Variants in ABI2 observed in about 807,000 individuals in gnomAD.
ABI2 encodes abelson interactor 2.
Under a neutral mutation model 59.2 loss-of-function variants are expected in ABI2, and 25 were observed. That is an observed-to-expected ratio of 0.42 (90% CI 0.31 to 0.59). ABI2 has a LOEUF of 0.59. Ranked by LOEUF, ABI2 falls within the 20% of genes least tolerant of loss-of-function variation. ABI2 has a pLI of 0.14. For synonymous variants in ABI2, 213 were observed against 235.5 expected (o/e 0.90, Z 0.87); for missense variants, 545 against 681.8 (o/e 0.80, Z 2.23).
chr2:203,342,026 G>T (rs2080232156), intron 1 of ABI2, among the ~76,000 whole-genome samples: 1 of 152,086 alleles, frequency 6.6e-6, no homozygotes, highest in Non-Finnish European at 1.5e-5. Context: ...GTTTACCTCT[G>T]ACTCTGCTAA....
At chr2:203,400,557 A>G (rs1192775993) in intron 8 of ABI2, among the ~76,000 whole-genome samples, 1 of 152,176 alleles carries the variant, frequency 6.6e-6, no homozygotes, top group Admixed American at 6.5e-5. Context: ...ATCATAGTTT[A>G]TATGTTTTCA....
At chr2:203,382,619 A>C (rs2096211450) in intron 4 of ABI2, among the ~76,000 whole-genome samples, 1 of 152,170 alleles carries the variant, frequency 6.6e-6, no homozygotes, top group Non-Finnish European at 1.5e-5. Flanking sequence ...TACTTTATTT[A>C]ACCCTCCCCC....
intron 2 of ABI2, among the ~76,000 whole-genome samples, chr2:203,378,090 TTTTTTCTTTTTC>T (rs1257286612): frequency 3.0e-4 from 45 of 152,144 alleles, no homozygotes; most frequent in Admixed American, 7.9e-4. Context: ...AGAGATTATT[TTTTTTCTTTTTC>T]TTTTTCTTTT....
intron 1 of ABI2, among the ~76,000 whole-genome samples, chr2:203,339,318 G>T (rs991287057): frequency 1.3e-5 from 2 of 151,788 alleles, no homozygotes; most frequent in South Asian, 4.2e-4. Flanking sequence ...GGTGGCTCAT[G>T]CCTGTAATCC....
At chr2:203,408,003 G>T (rs1364217224) in intron 9 of ABI2, among the ~76,000 whole-genome samples, 1 of 152,162 alleles carries the variant, frequency 6.6e-6, no homozygotes, top group Non-Finnish European at 1.5e-5. Flanking sequence ...CTTATTAAAG[G>T]TTTGTCCTGG....
rs1030851623 is a variant in ABI2 at position 203,396,869 on chromosome 2, C to T, written c.935C>T (p.Ser312Phe). ...CCTCTTGTTCCTGCTACTGTCCCTT[C>T]CTCCACTGCCCCAGACGCTGCTGCT... ...PAPLVPATVP[S>F]STAPDAAAGG... is the part of the protein sequence containing the mutation. Residue 312 changes from serine to phenylalanine, a missense_variant, in exon 8 of 12, where the codon TCC becomes TTC. Around this residue, in one of 4 missense-constraint regions of ABI2, gnomAD observed 410 missense variants for 435.6 expected, o/e 0.94. Transcript: ENST00000261018. 1.3e-6 allele frequency: 2 copies of T among 1,534,956 alleles called. No individual in the cohort carries two copies. The highest frequency in any genetic ancestry group is 2.7e-5 in the African/African-American group (2 of 72,960).
At chr2:203,341,029 C>G (rs1031010274) in intron 1 of ABI2, among the ~76,000 whole-genome samples, 1 of 152,214 alleles carries the variant, frequency 6.6e-6, no homozygotes, top group African/African-American at 2.4e-5. Context: ...GTTATGCCCT[C>G]TGCCAGGAGT....
At chr2:203,412,516 T>C (rs565074161) in intron 10 of ABI2, among the ~76,000 whole-genome samples, 73 of 152,376 alleles carry the variant, frequency 4.8e-4, no homozygotes, top group African/African-American at 1.7e-3. Flanking sequence ...TACTTACTTT[T>C]GTTTATTGGA....
At chr2:203,410,675 G>A (rs1209076553) in intron 9 of ABI2, among the ~76,000 whole-genome samples, 1 of 152,140 alleles carries the variant, frequency 6.6e-6, no homozygotes, top group East Asian at 1.9e-4. Flanking sequence ...GGACGGTTTT[G>A]ATACTGTTTT....
chr2:203,340,547 G>A lies in ABI2; in HGVS notation c.117+11916G>A, dbSNP rs113416539. Among the ~76,000 whole-genome samples, 970 of 151,584 alleles carry A rather than the reference G, an allele frequency of 6.4e-3. 12 individuals carry two copies. Among genetic ancestry groups the A allele is most frequent in the African/African-American group, 0.023 (937 of 41,322 alleles). The stretch of plus-strand genomic sequence containing the variant: ...ACACATGGCTAATTTTTGTAGTGAC[G>A]GGGTTTCGCCCTGTTGCCCAGGCTG... On this transcript the variant is annotated intron_variant, in intron 1 of 11. Transcript: ENST00000261018.
intron 4 of ABI2, among the ~76,000 whole-genome samples, chr2:203,385,725 G>C (rs985541951): frequency 6.6e-6 from 1 of 152,194 alleles, no homozygotes; most frequent in African/African-American, 2.4e-5. Flanking sequence ...CAACCTTTGA[G>C]AGACCCATCT....
intron 2 of ABI2, among the ~76,000 whole-genome samples, chr2:203,379,344 C>T (rs1428833315): frequency 6.6e-6 from 1 of 152,074 alleles, no homozygotes; most frequent in Non-Finnish European, 1.5e-5. Flanking sequence ...ACCTCCTGGA[C>T]TCAAGCAGTT....
chr2:203,342,079 TGCC>T, intron 1 of ABI2: 6 of 360,086 alleles, frequency 1.7e-5, no homozygotes, highest in Admixed American at 7.5e-5. Context: ...ATTTTTTTTT[TGCC>T]TGTTATGTCC....
At chr2:203,334,382 A>G (rs1030739631) in intron 1 of ABI2, among the ~76,000 whole-genome samples, 14 of 152,148 alleles carry the variant, frequency 9.2e-5, no homozygotes, top group Admixed American at 5.9e-4. Flanking sequence ...TGTAGTAGAG[A>G]TATTTTTGAG....
At chr2:203,336,003 A>G (rs2076283864) in intron 1 of ABI2, among the ~76,000 whole-genome samples, 1 of 152,046 alleles carries the variant, frequency 6.6e-6, no homozygotes, top group African/African-American at 2.4e-5. Flanking sequence ...CTGTCCCTCT[A>G]GTTTTTGCCT....
At chr2:203,411,138 C>A in intron 9 of ABI2, 147 bp from the exon 10 acceptor site, 1 of 701,602 alleles carries the variant, frequency 1.4e-6, no homozygotes. Context: ...ATGAGTTGTC[C>A]CTCAACAGGG....
intron 1 of ABI2, among the ~76,000 whole-genome samples, chr2:203,351,103 A>T: frequency 6.6e-6 from 1 of 152,080 alleles, no homozygotes; most frequent in East Asian, 1.9e-4. Context: ...ATTTGTTTAA[A>T]AGCCTTTTCT....
intron 9 of ABI2, among the ~76,000 whole-genome samples, chr2:203,407,065 C>A (rs898475680): frequency 6.6e-6 from 1 of 152,150 alleles, no homozygotes; most frequent in Admixed American, 6.5e-5. Flanking sequence ...AATATACTGT[C>A]TTTCTTGGAG....
At chr2:203,375,520 A>G (rs1457332762) in intron 2 of ABI2, among the ~76,000 whole-genome samples, 1 of 152,240 alleles carries the variant, frequency 6.6e-6, no homozygotes, top group African/African-American at 2.4e-5. Flanking sequence ...ATGAAATTTA[A>G]CATTGTAATG....
Sources: gnomAD v4.1 joint callset for allele counts (sites outside exome capture counted in the v4.1 genomes callset) on GRCh38, gnomAD v4.1.1 for gene constraint, gnomAD v4.1.1 regional missense constraint, MANE v1.5 for transcripts, NCBI Gene and HGNC (gene_info 2026-07-23, HGNC 2026-07-21) for gene names.